Variants in MECOM observed in about 807,000 individuals in gnomAD.
MECOM encodes histone-lysine N-methyltransferase MECOM.
In MECOM, 13 loss-of-function variants were observed where a neutral mutation model predicts 116.3. The observed-to-expected ratio is 0.11, with a 90% confidence interval of 0.07 to 0.18. MECOM has a LOEUF of 0.18. Among genes scored for constraint, MECOM ranks in the 10% least tolerant of loss-of-function variants. The probability of loss-of-function intolerance (pLI) is 1.00; values close to 1 mark genes in which losing one functional copy is unlikely to be tolerated. For missense variants in MECOM, 1,299 were observed against 1,509.0 expected (o/e 0.86, Z 2.31); for synonymous variants, 528 against 535.2 (o/e 0.99, Z 0.19).
chr3:169,144,136 A>C (rs967996461), intron 2 of MECOM, among the ~76,000 whole-genome samples: 1 of 152,202 alleles, frequency 6.6e-6, no homozygotes, highest in Non-Finnish European at 1.5e-5. Flanking sequence ...TTTGCAAAAA[A>C]TAATATTGAA....
chr3:169,282,742 G>T (rs553263858), intron 2 of MECOM, among the ~76,000 whole-genome samples: 1 of 151,910 alleles, frequency 6.6e-6, no homozygotes, highest in Non-Finnish European at 1.5e-5. Context: ...AATAAAATTT[G>T]TTGAGTGTGC....
At chr3:169,457,030 C>T (rs534257159) in intron 1 of MECOM, among the ~76,000 whole-genome samples, 1 of 152,284 alleles carries the variant, frequency 6.6e-6, no homozygotes, top group South Asian at 2.1e-4. Context: ...GCCGTCTCAG[C>T]AGCCAGACCC....
chr3:169,654,813 A>AACACACAC lies in MECOM; in HGVS notation c.37+8515_37+8522dup, dbSNP rs10622808. 2.6e-3 allele frequency among the ~76,000 whole-genome samples: 382 copies of AACACACAC among 148,082 alleles called. 4 individuals are homozygous for AACACACAC. The highest frequency in any genetic ancestry group is 8.4e-3 in the African/African-American group (332 of 39,436). On this transcript the variant is annotated intron_variant, in intron 1 of 16. Transcript: ENST00000651503. ...TGTAATAAGTACTTCCACCTATCAA[A>AACACACAC]ACACACACACACACACACACACACA...
intron 2 of MECOM, among the ~76,000 whole-genome samples, chr3:169,376,538 GACAA>G (rs1382963817): frequency 1.3e-5 from 2 of 152,036 alleles, no homozygotes; most frequent in African/African-American, 2.4e-5. Flanking sequence ...ACCAATAATA[GACAA>G]ACAGAGAGCC....
chr3:169,626,302 A>C (rs1174831050), intron 1 of MECOM, among the ~76,000 whole-genome samples: 1 of 152,218 alleles, frequency 6.6e-6, no homozygotes, highest in South Asian at 2.1e-4. Context: ...TATGTACACT[A>C]TGTAAATTTC....
chr3:169,103,611 A>G (rs1272907471), intron 10 of MECOM, among the ~76,000 whole-genome samples: 1 of 152,210 alleles, frequency 6.6e-6, no homozygotes. Context: ...TCAACCCAAG[A>G]AACTATCCTT....
intron 3 of MECOM, among the ~76,000 whole-genome samples, chr3:169,134,901 TC>T (rs1476754465): frequency 6.6e-6 from 1 of 152,156 alleles, no homozygotes; most frequent in Non-Finnish European, 1.5e-5. Context: ...TGATGGGATG[TC>T]ATCTTAGAGG....
chr3:169,617,964 C>A (rs1417082329), intron 1 of MECOM, among the ~76,000 whole-genome samples: 1 of 152,166 alleles, frequency 6.6e-6, no homozygotes. Context: ...CTTGGCTCCT[C>A]AACCCTCAGC....
intron 1 of MECOM, among the ~76,000 whole-genome samples, chr3:169,478,099 G>C (rs1296401900): frequency 6.6e-6 from 1 of 152,152 alleles, no homozygotes; most frequent in Non-Finnish European, 1.5e-5. Context: ...TGAAATTCAG[G>C]GATGACAAAT....
intron 1 of MECOM, among the ~76,000 whole-genome samples, chr3:169,562,955 T>C (rs543776410): frequency 2.0e-5 from 3 of 151,546 alleles, no homozygotes; most frequent in Non-Finnish European, 4.4e-5. Context: ...TCCCAGCTAC[T>C]TGGGAGGCTG....
chr3:169,345,571 A>G (rs1725214429), intron 2 of MECOM, among the ~76,000 whole-genome samples: 1 of 152,142 alleles, frequency 6.6e-6, no homozygotes, highest in Non-Finnish European at 1.5e-5. Context: ...CAAGCACTCT[A>G]AAACTTAGCA....
Position 169,451,551 on chromosome 3 carries a change from A to C in MECOM, c.38-70027T>G, listed in dbSNP as rs181840089. Among the ~76,000 whole-genome samples the C allele has an allele frequency of 3.3e-5, 5 of 152,280 alleles. No homozygotes were observed. The East Asian group carries it at 7.7e-4, about 23-fold the overall frequency. ...CTCCAGGTACTCCACCATCCATGTCATCAACTGTGGAAAAATGTCCCATTC... is the reference window on the plus strand; with the variant it reads ...CTCCAGGTACTCCACCATCCATGTCCTCAACTGTGGAAAAATGTCCCATTC... On this transcript the variant is annotated intron_variant, in intron 1 of 16. Transcript: ENST00000651503.
At chr3:169,454,402 A>AAAT (rs1330183536) in intron 1 of MECOM, among the ~76,000 whole-genome samples, 1 of 151,612 alleles carries the variant, frequency 6.6e-6, no homozygotes, top group East Asian at 1.9e-4. Flanking sequence ...AAAAAAAAAA[A>AAAT]AAAAAAAGCC....
chr3:169,432,545 C>T (rs1741819527), intron 1 of MECOM, among the ~76,000 whole-genome samples: 1 of 152,208 alleles, frequency 6.6e-6, no homozygotes, highest in South Asian at 2.1e-4. Flanking sequence ...CCCTCTCTAA[C>T]ACACAAACAG....
intron 1 of MECOM, among the ~76,000 whole-genome samples, chr3:169,497,296 A>G (rs2108954314): frequency 6.6e-6 from 1 of 152,060 alleles, no homozygotes; most frequent in South Asian, 2.1e-4. Context: ...CTTCTTTTGC[A>G]ATAGCCCACT....
chr3:169,244,694 A>C (rs1755358658), intron 2 of MECOM, among the ~76,000 whole-genome samples: 1 of 152,202 alleles, frequency 6.6e-6, no homozygotes, highest in African/African-American at 2.4e-5. Context: ...AGAGTCTGTG[A>C]CTAAACCCAG....
chr3:169,584,891 C>T (rs1442201899), intron 1 of MECOM, among the ~76,000 whole-genome samples: 3 of 152,136 alleles, frequency 2.0e-5, no homozygotes, highest in African/African-American at 7.2e-5. Context: ...AGGATGAAAA[C>T]TAGATCCTAA....
rs565579329 is a variant in MECOM, at chr3:169,313,564, A to T, written c.375+67623T>A. Among the ~76,000 whole-genome samples, 17 of 152,382 alleles carry T rather than the reference A, an allele frequency of 1.1e-4. 1 individual carries two copies. The South Asian group carries it at 3.3e-3, about 30-fold the overall frequency. On this transcript the variant is annotated intron_variant, in intron 2 of 16. Coordinates refer to ENST00000651503, the MANE Select transcript of MECOM (RefSeq NM_004991.4). ...ACACTAGAGCAAGGACACCAAGGAC[A>T]GAGTGACAGAAGGAAAGGCAGAATA...
At chr3:169,546,762 G>T (rs1365510895) in intron 1 of MECOM, among the ~76,000 whole-genome samples, 1 of 152,136 alleles carries the variant, frequency 6.6e-6, no homozygotes, top group African/African-American at 2.4e-5. Flanking sequence ...TACAATCTAG[G>T]TTTGTTATAA....
Sources: gnomAD v4.1 joint callset for allele counts (sites outside exome capture counted in the v4.1 genomes callset) on GRCh38, gnomAD v4.1.1 for gene constraint, MANE v1.5 for transcripts, NCBI Gene and HGNC (gene_info 2026-07-23, HGNC 2026-07-21) for gene names.